DNAH12: variants seen among roughly 807,000 people sequenced by gnomAD.
DNAH12 encodes the protein axonemal beta dynein heavy chain 12.
DNAH12 carries 285 observed loss-of-function variants against 371.5 expected under a neutral mutation model. The ratio of observed to expected loss-of-function variants is 0.77; its 90% confidence interval spans 0.70 to 0.85. The LOEUF is 0.85. DNAH12 is among the 40% of genes least tolerant of loss of function. The probability of loss-of-function intolerance (pLI) is 0.00; values close to 1 mark genes in which losing one functional copy is unlikely to be tolerated. For missense variants in DNAH12, 3,611 were observed against 3,689.4 expected (o/e 0.98, Z 0.55); for synonymous variants, 1,200 against 1,213.0 (o/e 0.99, Z 0.22).
At chr3:57,387,273 T>C (rs946946463) in intron 45 of DNAH12, 54 bp from the exon 46 acceptor site, 1 of 152,208 alleles carries the variant, frequency 6.6e-6, no homozygotes, top group Admixed American at 6.5e-5. Flanking sequence ...AGTAGTCTCA[T>C]TCCAACTCCA....
chr3:57,359,997 A>G (rs1325391650), intron 58 of DNAH12, among the ~76,000 whole-genome samples: 1 of 152,228 alleles, frequency 6.6e-6, no homozygotes, highest in East Asian at 1.9e-4. Context: ...AGGTCCTATC[A>G]TTTATTATAT....
At chr3:57,318,736 A>T (rs768854453) in intron 65 of DNAH12, among the ~76,000 whole-genome samples, 9 of 151,958 alleles carry the variant, frequency 5.9e-5, no homozygotes, top group Non-Finnish European at 1.0e-4. Flanking sequence ...CATTCCAGAT[A>T]AGGAATACTT....
At chr3:57,500,421 A>G (rs2067500096) in intron 11 of DNAH12, among the ~76,000 whole-genome samples, 1 of 152,188 alleles carries the variant, frequency 6.6e-6, no homozygotes, top group African/African-American at 2.4e-5. Context: ...CAAACTCTTG[A>G]GCAAAGATAC....
Position 57,470,517 on chromosome 3 carries a change from A to T in DNAH12, c.2031T>A (p.Asp677Glu). ...AGGGCTCAATGTTAACTTTTAATTT[A>T]TCCAGTTCAGGATATTTTGTCAATT... is the stretch of plus-strand genomic sequence containing the variant. ...KWELTKYPELDKLKVNIEPYQ... is the reference protein window; with the variant it reads ...KWELTKYPELEKLKVNIEPYQ... Residue 677 changes from aspartate (D) to glutamate (E), a missense_variant, in exon 16 of 74, where the codon GAT becomes GAA. Coordinates refer to ENST00000495027, the MANE Select transcript of DNAH12 (RefSeq NM_001366028.2). 6.5e-7 allele frequency: 1 copy of T among 1,550,084 alleles called. No homozygotes were observed. The highest frequency in any genetic ancestry group is 1.2e-5 in the South Asian group (1 of 83,344).
rs1401959762 is a variant in DNAH12, at chr3:57,309,152, T to C, written c.11188A>G (p.Asn3730Asp). The C allele has an allele frequency of 6.5e-7, 1 of 1,536,694 alleles. No homozygotes were observed. The highest frequency in any genetic ancestry group is 2.1e-5 in the Admixed American group (1 of 48,710). ...ATCACTGGGGATATAGATCCTTACT[T>C]GTTAAATCTTTCCATTTCTTGTACT... ...VLVQEMERFN[N>D]LIITIRNTLR... The change falls in exon 69 of 74, where the codon AAT (asparagine) becomes GAT (aspartate). Residue 3730 changes from asparagine (N) to aspartate (D), a missense_variant and splice_region_variant. Physicochemically the swap from Asn to Asp is conservative, Grantham distance 23. Transcript: ENST00000495027.
At chr3:57,370,863 T>A (rs2063155996) in intron 55 of DNAH12, among the ~76,000 whole-genome samples, 1 of 152,076 alleles carries the variant, frequency 6.6e-6, no homozygotes, top group Non-Finnish European at 1.5e-5. Flanking sequence ...GTCCATATGT[T>A]GGGGGAGGCT....
chr3:57,513,422 C>A (rs1466116821), intron 4 of DNAH12, among the ~76,000 whole-genome samples: 1 of 152,124 alleles, frequency 6.6e-6, no homozygotes, highest in Non-Finnish European at 1.5e-5. Flanking sequence ...GTGCAGCAAA[C>A]CACCATGGCA....
In DNAH12 at chr3:57,405,840, T is replaced by C. The variant is rs1238285125; in HGVS notation, c.6389A>G (p.Asp2130Gly). 12 of 1,551,550 alleles carry C rather than the reference T, an allele frequency of 7.7e-6. No homozygotes were observed. Among genetic ancestry groups the C allele is most frequent in the Non-Finnish European group, 1.0e-5 (12 of 1,147,006 alleles). ...CATAGTGTGTTTGTTCGCCACGGCG[T>C]CTCTTTCAATGAGTAAACAGCCCCG... ...VIRGCLLIER[D>G]AVANKHTMIR... is the part of the protein sequence containing the mutation. The change falls in exon 41 of 74, where the codon GAC (aspartate) becomes GGC (glycine). Residue 2130 changes from aspartate to glycine, a missense_variant. Asp to Gly is a moderately conservative substitution (Grantham distance 94). Around this residue, in one of 3 missense-constraint regions of DNAH12, gnomAD observed 2,266 missense variants for 2,236.9 expected, o/e 1.01. Transcript: ENST00000495027.
intron 60 of DNAH12, among the ~76,000 whole-genome samples, chr3:57,343,489 C>T (rs565824464): frequency 6.6e-6 from 1 of 152,364 alleles, no homozygotes; most frequent in South Asian, 2.1e-4. Context: ...TCTCAGCAAA[C>T]CAGGGGCACA....
intron 69 of DNAH12, 26 bp from the exon 70 acceptor site, chr3:57,301,965 A>ACC (rs1350387463): frequency 3.2e-6 from 5 of 1,544,138 alleles, no homozygotes; most frequent in Non-Finnish European, 4.4e-6. Flanking sequence ...TTATGTCATC[A>ACC]ACATATATGA....
chr3:57,462,281 C>T (rs1333752226), intron 18 of DNAH12, among the ~76,000 whole-genome samples: 3 of 151,792 alleles, frequency 2.0e-5, no homozygotes, highest in Non-Finnish European at 2.9e-5. Flanking sequence ...GACAGAGTTT[C>T]GCTCTTGTCA....
In DNAH12 at chr3:57,426,011, G is replaced by A. The variant is rs74533886; in HGVS notation, c.5254-870C>T. 5.7e-3 allele frequency among the ~76,000 whole-genome samples: 873 copies of A among 152,256 alleles called. 4 individuals carry two copies. Among genetic ancestry groups the A allele is most frequent in the African/African-American group, 0.019 (791 of 41,538 alleles). On this transcript the variant is annotated intron_variant, in intron 34 of 73. Coordinates refer to ENST00000495027, the MANE Select transcript of DNAH12 (RefSeq NM_001366028.2). ...GAGGAGTGCACAAGGAGGAAAACGGGAGAGAGATACACCAAAGAGGGCTTC... is the reference window on the plus strand; with the variant it reads ...GAGGAGTGCACAAGGAGGAAAACGGAAGAGAGATACACCAAAGAGGGCTTC...
chr3:57,546,875 A>T (rs556537347), upstream of DNAH12, among the ~76,000 whole-genome samples: 4 of 152,282 alleles, frequency 2.6e-5, no homozygotes, highest in African/African-American at 9.6e-5. Flanking sequence ...AGGCCTGGCA[A>T]AGTGGATCAA....
chr3:57,461,833 T>A, intron 18 of DNAH12, 144 bp from the exon 19 acceptor site: 1 of 686,150 alleles, frequency 1.5e-6, no homozygotes, highest in Non-Finnish European at 2.4e-6. Flanking sequence ...GTATAACTTT[T>A]TAAGTTAGAA....
intron 30 of DNAH12, 53 bp from the exon 31 acceptor site, chr3:57,433,881 AT>A (rs1306825121): frequency 7.3e-7 from 1 of 1,376,534 alleles, no homozygotes; most frequent in Non-Finnish European, 9.4e-7. Flanking sequence ...GAGTTAAATA[AT>A]TTATATCAGT....
At chr3:57,305,842 C>G (rs1003367864) in intron 69 of DNAH12, among the ~76,000 whole-genome samples, 1 of 152,132 alleles carries the variant, frequency 6.6e-6, no homozygotes, top group African/African-American at 2.4e-5. Flanking sequence ...CAATTCCTTG[C>G]CTCCACTGTG....
chr3:57,484,076 A>AG (rs1330654253), intron 12 of DNAH12, among the ~76,000 whole-genome samples: 1 of 151,740 alleles, frequency 6.6e-6, no homozygotes, highest in Non-Finnish European at 1.5e-5. Flanking sequence ...AATTTTAGCG[A>AG]CCTCTTCAAC....
chr3:57,459,436 T>G (rs771585527), intron 20 of DNAH12, among the ~76,000 whole-genome samples, 156 bp downstream of exon 20: 1 of 152,228 alleles, frequency 6.6e-6, no homozygotes, highest in Non-Finnish European at 1.5e-5. Flanking sequence ...GTAAACTTAT[T>G]TTAATACTTT....
intron 20 of DNAH12, 25 bp downstream of exon 20, chr3:57,459,567 G>A (rs1396243735): frequency 3.0e-5 from 41 of 1,388,386 alleles, no homozygotes. Flanking sequence ...TTCACCTACT[G>A]TGAGAGAGAA....
Sources: gnomAD v4.1 joint callset for allele counts (sites outside exome capture counted in the v4.1 genomes callset) on GRCh38, gnomAD v4.1.1 for gene constraint, gnomAD v4.1.1 regional missense constraint, MANE v1.5 for transcripts, NCBI Gene and HGNC (gene_info 2026-07-23, HGNC 2026-07-21) for gene names.